HSPA13: variants seen among roughly 807,000 people sequenced by gnomAD.
The protein encoded by HSPA13 is heat shock 70 kDa protein 13.
A neutral mutation model predicts 38.8 loss-of-function variants in HSPA13; 29 were observed. The ratio of observed to expected loss-of-function variants is 0.75; its 90% CI spans 0.56 to 1.02. HSPA13 has a LOEUF of 1.02. Among genes scored for constraint, HSPA13 ranks in the 50% least tolerant of loss-of-function variants. The pLI, the probability that HSPA13 is intolerant of heterozygous loss-of-function variation, is 0.00. For missense variants in HSPA13, 451 were observed against 560.9 expected (o/e 0.80, Z 1.98); for synonymous variants, 192 against 205.3 (o/e 0.94, Z 0.56).
Position 14,372,309 on chromosome 21 carries a change from A to G in HSPA13, c.*1308T>C, listed in dbSNP as rs968178651. ...TCTATTAAGGAAAATATGTATATAT[A>G]TATATAATCTGTATCCATATATCTT... is the stretch of plus-strand genomic sequence containing the variant. On this transcript the variant is annotated 3_prime_UTR_variant, in exon 5 of 5. Transcript: ENST00000285667. 6.6e-5 allele frequency: 10 copies of G among 152,022 alleles called. 1 individual carries two copies. Among genetic ancestry groups the G allele is most frequent in the African/African-American group, 1.9e-4 (8 of 41,438 alleles). The allele number at this position is 152,022 out of a possible 1,614,324, so 9.4% of individuals were successfully genotyped here.
In HSPA13 at chr21:14,373,476, T is replaced by C. The variant is rs542546979; in HGVS notation, c.*141A>G. 3 of 678,310 alleles carry C rather than the reference T, an allele frequency of 4.4e-6. No individual in the cohort carries two copies. Among genetic ancestry groups the C allele is most frequent in the Non-Finnish European group, 7.3e-6 (3 of 409,796 alleles). The allele number at this position is 678,310 out of a possible 1,614,324, so 42.0% of individuals were successfully genotyped here. ...CGTCTAATCCTAAGACAAAACACTA[T>C]GTAAAATTTTCCTGTATCTAAATGT... On this transcript the variant is annotated 3_prime_UTR_variant, in exon 5 of 5. Transcript: ENST00000285667.
chr21:14,378,483 A>C, intron 2 of HSPA13, 71 bp from the exon 3 acceptor site: 2 of 934,404 alleles, frequency 2.1e-6, no homozygotes, highest in Non-Finnish European at 3.3e-6. Flanking sequence ...TATATACATA[A>C]ATACTAGATT....
At chr21:14,378,820 A>G (rs1002655197) in intron 2 of HSPA13, among the ~76,000 whole-genome samples, 43 of 151,828 alleles carry the variant, frequency 2.8e-4, no homozygotes, top group Admixed American at 2.4e-3. Flanking sequence ...GGGTTTCACT[A>G]TGTTGGCCAG....
chr21:14,380,125 A>G (rs1216804933), intron 2 of HSPA13, among the ~76,000 whole-genome samples: 1 of 152,158 alleles, frequency 6.6e-6, no homozygotes, highest in African/African-American at 2.4e-5. Context: ...AAAAGAAAAA[A>G]AAAGCAGCGA....
chr21:14,381,035 A>G (rs1160260344), intron 2 of HSPA13, among the ~76,000 whole-genome samples, 168 bp downstream of exon 2: 1 of 152,232 alleles, frequency 6.6e-6, no homozygotes, highest in Admixed American at 6.5e-5. Flanking sequence ...GGAGTCAGTG[A>G]TTAACTGATC....
rs1982862334 is a variant in HSPA13 at position 14,373,018 on chromosome 21, C to T, written c.*599G>A. ...TTCATCTATTAAACACATAAAACTC[C>T]TGGAGAATGCAGATTACAAGAATAT... On this transcript the variant is annotated 3_prime_UTR_variant, in exon 5 of 5. Transcript: ENST00000285667. 1 of 152,202 alleles carries T rather than the reference C, an allele frequency of 6.6e-6. No individual in the cohort carries two copies. The highest frequency in any genetic ancestry group is 2.1e-4 in the South Asian group (1 of 4,832). 9.4% of individuals were successfully genotyped at this position (152,202 alleles called of 1,614,324 possible).
intron 1 of HSPA13, among the ~76,000 whole-genome samples, chr21:14,382,291 A>C (rs987492426): frequency 3.9e-5 from 6 of 152,316 alleles, no homozygotes; most frequent in African/African-American, 1.4e-4. Context: ...CCAGACCAGG[A>C]ATAGCAGATG....
rs982441738 is a variant in HSPA13 at position 14,371,172 on chromosome 21, T to C, written c.*2445A>G. ...TACATTAAAACATGAATTGCCTGTA[T>C]ACACACAAATATAAGAGGAACAATC... On this transcript the variant is annotated 3_prime_UTR_variant, in exon 5 of 5. Coordinates refer to ENST00000285667, the MANE Select transcript of HSPA13 (RefSeq NM_006948.5). 1 of 152,626 alleles carries C rather than the reference T, an allele frequency of 6.6e-6. No homozygotes were observed. Among genetic ancestry groups the C allele is most frequent in the African/African-American group, 2.4e-5 (1 of 41,450 alleles). 9.5% of individuals were successfully genotyped at this position (152,626 alleles called of 1,614,324 possible). A position where few individuals can be genotyped will look rare whatever the true frequency, so the allele number is the denominator to read the frequency against.
chr21:14,377,054 G>C (rs1984045289), intron 3 of HSPA13, among the ~76,000 whole-genome samples: 1 of 152,188 alleles, frequency 6.6e-6, no homozygotes, highest in Non-Finnish European at 1.5e-5. Flanking sequence ...TGGTGGAGGA[G>C]GGCGCTGCTA....
chr21:14,377,893 C>A (rs1984067735), intron 3 of HSPA13, among the ~76,000 whole-genome samples: 1 of 152,258 alleles, frequency 6.6e-6, no homozygotes, highest in African/African-American at 2.4e-5. Flanking sequence ...AAAAGCTGCA[C>A]AGTTGGCTTC....
intron 4 of HSPA13, among the ~76,000 whole-genome samples, chr21:14,375,127 A>T (rs1235022021): frequency 6.6e-6 from 1 of 152,250 alleles, no homozygotes; most frequent in East Asian, 1.9e-4. Context: ...AAATACAATT[A>T]GACTTTCTAA....
rs1982832891 is a variant in HSPA13 at position 14,371,799 on chromosome 21, G to A, written c.*1818C>T. The A allele has an allele frequency of 6.6e-6, 1 of 152,174 alleles. No individual in the cohort carries two copies. Among genetic ancestry groups the A allele is most frequent in the South Asian group, 2.1e-4 (1 of 4,832 alleles). The allele number at this position is 152,174 out of a possible 1,614,324, so 9.4% of individuals were successfully genotyped here. A position where few individuals can be genotyped will look rare whatever the true frequency, so the allele number is the denominator to read the frequency against. On this transcript the variant is annotated 3_prime_UTR_variant, in exon 5 of 5. Transcript: ENST00000285667. ...AGCTGATCCTATATATGGAGATTTT[G>A]AGATAAATTGGAACACTTTTAGAAG...
At chr21:14,383,056 C>G (rs568212281) in intron 1 of HSPA13, 39 bp downstream of exon 1, 2 of 1,613,632 alleles carry the variant, frequency 1.2e-6, no homozygotes, top group Non-Finnish European at 1.7e-6. Flanking sequence ...CAGATCGCCT[C>G]TACGCCCGCA....
At chr21:14,376,135 C>A (rs1984013385) in intron 3 of HSPA13, among the ~76,000 whole-genome samples, 1 of 152,180 alleles carries the variant, frequency 6.6e-6, no homozygotes, top group African/African-American at 2.4e-5. Flanking sequence ...CATTCATATT[C>A]TACTTTGGAA....
At position 14,374,268 on chromosome 21, in the gene HSPA13, T is replaced by C. The variant is rs1396034419; in HGVS notation, c.765A>G (p.Gly255=). ...GCAATCTCTGATTGAAGTCCTGTCC[T>C]CCAAGTTTATTGTTTCCTGAGTGAA... is the stretch of plus-strand genomic sequence containing the variant. The part of the protein sequence containing the change: ...TRAMSGNNKL[G]GQDFNQRLLQ... The change falls in exon 5 of 5, where the codon GGA becomes GGG. Residue 255 remains glycine (G), a synonymous_variant. Coordinates refer to ENST00000285667, the MANE Select transcript of HSPA13 (RefSeq NM_006948.5). 3 of 1,606,806 alleles carry C rather than the reference T, an allele frequency of 1.9e-6. No individual in the cohort carries two copies. The South Asian group carries it at 3.3e-5, about 18-fold the overall frequency.
intron 4 of HSPA13, 105 bp from the exon 5 acceptor site, chr21:14,374,389 CCT>C: frequency 1.3e-6 from 1 of 797,692 alleles, no homozygotes; most frequent in African/African-American, 1.7e-5. Flanking sequence ...ATAACAAATC[CCT>C]GTTTCATGTA....
In HSPA13 at chr21:14,372,925, T is replaced by C. The variant is rs1416518276; in HGVS notation, c.*692A>G. On this transcript the variant is annotated 3_prime_UTR_variant, in exon 5 of 5. Transcript: ENST00000285667. ...AATGATGTACAGGACATAAAGGAAC[T>C]AGAATATAATTGGGTATTTCTATTA... 6.6e-6 allele frequency: 1 copy of C among 152,180 alleles called. No individual in the cohort carries two copies. Among genetic ancestry groups the C allele is most frequent in the East Asian group, 1.9e-4 (1 of 5,202 alleles). 9.4% of individuals were successfully genotyped at this position (152,180 alleles called of 1,614,324 possible).
chr21:14,376,268 C>T (rs958157040), intron 3 of HSPA13, among the ~76,000 whole-genome samples: 17 of 152,058 alleles, frequency 1.1e-4, no homozygotes, highest in African/African-American at 4.1e-4. Flanking sequence ...AAAAAATGAG[C>T]CGGGCGTGGT....
At chr21:14,376,637 A>T (rs1984035047) in intron 3 of HSPA13, among the ~76,000 whole-genome samples, 2 of 152,122 alleles carry the variant, frequency 1.3e-5, no homozygotes, top group Non-Finnish European at 2.9e-5. Context: ...AGAGATCATA[A>T]CACCCTTCAC....
Sources: allele counts gnomAD v4.1 joint callset (sites outside exome capture counted in the v4.1 genomes callset), GRCh38; gene constraint gnomAD v4.1.1; transcripts MANE v1.5; gene names NCBI Gene and HGNC (gene_info 2026-07-23, HGNC 2026-07-21).